HS6ST3: variants seen among roughly 807,000 people sequenced by gnomAD.
The protein encoded by HS6ST3 is heparan sulfate 6-O-sulfotransferase 3.
Under a neutral mutation model 36.7 loss-of-function variants are expected in HS6ST3, and 12 were observed. That is an observed-to-expected ratio of 0.33 (90% CI 0.21 to 0.53). HS6ST3 has a LOEUF of 0.53. HS6ST3 is among the 20% of genes least tolerant of loss of function. The probability of loss-of-function intolerance (pLI) is 0.95; values close to 1 mark genes in which losing one functional copy is unlikely to be tolerated. For synonymous variants in HS6ST3, 240 were observed against 257.5 expected, an observed-to-expected ratio of 0.93 and a Z score of 0.65; for missense variants, 584 against 640.9, an observed-to-expected ratio of 0.91 and a Z score of 0.96.
intron 1 of HS6ST3, among the ~76,000 whole-genome samples, chr13:96,610,518 G>A (rs991904283): frequency 3.3e-5 from 5 of 152,064 alleles, no homozygotes; most frequent in African/African-American, 9.7e-5. Flanking sequence ...TGAATTAGTC[G>A]CTAACTTTTA....
chr13:96,818,376 G>C (rs1481677403), intron 1 of HS6ST3, among the ~76,000 whole-genome samples: 1 of 152,202 alleles, frequency 6.6e-6, no homozygotes, highest in Non-Finnish European at 1.5e-5. Context: ...AGTGGATTTT[G>C]AAGAGAACCT....
chr13:96,424,986 C>A (rs138769824), intron 1 of HS6ST3, among the ~76,000 whole-genome samples: 46 of 152,076 alleles, frequency 3.0e-4, no homozygotes, highest in Non-Finnish European at 6.3e-4. Flanking sequence ...AATATTGTAG[C>A]AGATTTTTGG....
At chr13:96,475,461 C>T (rs1293015223) in intron 1 of HS6ST3, among the ~76,000 whole-genome samples, 1 of 152,004 alleles carries the variant, frequency 6.6e-6, no homozygotes, top group African/African-American at 2.4e-5. Flanking sequence ...ATGTGTCCTT[C>T]AAGCTAGTTT....
At chr13:96,269,268 T>C (rs530633335) in intron 1 of HS6ST3, among the ~76,000 whole-genome samples, 193 of 152,108 alleles carry the variant, frequency 1.3e-3, no homozygotes, top group Non-Finnish European at 2.5e-3. Context: ...ATACATAAAA[T>C]GTATATTTAA....
intron 1 of HS6ST3, among the ~76,000 whole-genome samples, chr13:96,318,526 CCTT>C (rs1193555515): frequency 4.3e-5 from 6 of 138,920 alleles, no homozygotes; most frequent in Non-Finnish European, 7.7e-5. Context: ...GAGTGAGACT[CCTT>C]CTCAAAAAAA....
In HS6ST3 at chr13:96,377,052, A is replaced by G. The variant is rs976811691; in HGVS notation, c.707+285483A>G. 3.6e-4 allele frequency among the ~76,000 whole-genome samples: 53 copies of G among 147,748 alleles called. 1 individual carries two copies. The highest frequency in any genetic ancestry group is 1.2e-4 in the Non-Finnish European group (8 of 67,172). On this transcript the variant is annotated intron_variant, in intron 1 of 1. Coordinates refer to ENST00000376705, the MANE Select transcript of HS6ST3 (RefSeq NM_153456.4). The stretch of plus-strand genomic sequence containing the variant: ...GTTTTTATGGATTTATCAATATATT[A>G]TAATATATATTTTATATATATATAT...
At chr13:96,466,990 A>G (rs948366302) in intron 1 of HS6ST3, among the ~76,000 whole-genome samples, 2 of 152,190 alleles carry the variant, frequency 1.3e-5, no homozygotes, top group African/African-American at 4.8e-5. Context: ...ATACAGTGTT[A>G]CTGAAGCCAA....
At chr13:96,180,481 T>G (rs1015011968) in intron 1 of HS6ST3, among the ~76,000 whole-genome samples, 2 of 152,160 alleles carry the variant, frequency 1.3e-5, no homozygotes, top group African/African-American at 2.4e-5. Context: ...ACTTTAGAGA[T>G]TTTTGCTAGA....
intron 1 of HS6ST3, among the ~76,000 whole-genome samples, chr13:96,499,522 G>T (rs1442984958): frequency 6.6e-6 from 1 of 152,158 alleles, no homozygotes; most frequent in African/African-American, 2.4e-5. Context: ...GAAAGATAAT[G>T]TGGGGCTAGG....
At chr13:96,308,745 C>A (rs563989542) in intron 1 of HS6ST3, among the ~76,000 whole-genome samples, 1 of 152,164 alleles carries the variant, frequency 6.6e-6, no homozygotes, top group South Asian at 2.1e-4. Context: ...TTAGCTTGTT[C>A]TTTTCAAGCT....
chr13:96,536,376 A>G (rs965646127), intron 1 of HS6ST3, among the ~76,000 whole-genome samples: 4 of 152,222 alleles, frequency 2.6e-5, no homozygotes, highest in African/African-American at 9.6e-5. Context: ...CTCTGGCTGC[A>G]TTTACAAATA....
intron 1 of HS6ST3, among the ~76,000 whole-genome samples, chr13:96,435,566 A>G (rs2055637340): frequency 6.6e-6 from 1 of 152,186 alleles, no homozygotes; most frequent in Admixed American, 6.5e-5. Flanking sequence ...CATTATCTGT[A>G]TCCCAACTAA....
rs578114978 is a variant in HS6ST3, at chr13:96,793,097, G to A, written c.708-39393G>A. Among the ~76,000 whole-genome samples, 12 of 152,090 alleles carry A rather than the reference G, an allele frequency of 7.9e-5. No individual in the cohort carries two copies. In the East Asian group the frequency reaches 1.2e-3, roughly 15 times the overall value. ...TGAGGAGTGAGTGACCTTGCGTCTC[G>A]CCAGCATACCCTCATAGCCCTTGAC... On this transcript the variant is annotated intron_variant, in intron 1 of 1. Transcript: ENST00000376705.
intron 1 of HS6ST3, among the ~76,000 whole-genome samples, chr13:96,336,619 T>A (rs1268025416): frequency 6.6e-6 from 1 of 152,150 alleles, no homozygotes; most frequent in Non-Finnish European, 1.5e-5. Flanking sequence ...GAGAAAAGGC[T>A]TGGAATGAAA....
intron 1 of HS6ST3, among the ~76,000 whole-genome samples, chr13:96,338,967 G>A (rs1369687482): frequency 2.0e-5 from 3 of 152,094 alleles, no homozygotes; most frequent in Non-Finnish European, 2.9e-5. Context: ...AAAAATTGGT[G>A]ATCATGATTT....
rs141742094 is a variant in HS6ST3, at chr13:96,419,571, C to T, written c.707+328002C>T. Among the ~76,000 whole-genome samples, 568 of 152,268 alleles carry T rather than the reference C, an allele frequency of 3.7e-3. 3 individuals are homozygous for T. The highest frequency in any genetic ancestry group is 0.013 in the African/African-American group (541 of 41,552). The stretch of plus-strand genomic sequence containing the variant: ...AGTATATTTGTTTTGTTTTCAAGGG[C>T]TGCCATAACAAAGTACCACAAACTG... On this transcript the variant is annotated intron_variant, in intron 1 of 1. Coordinates refer to ENST00000376705, the MANE Select transcript of HS6ST3 (RefSeq NM_153456.4).
chr13:96,656,988 TGTGTGTGTGTGA>T (rs1198774149), intron 1 of HS6ST3, among the ~76,000 whole-genome samples: 7 of 138,598 alleles, frequency 5.1e-5, no homozygotes, highest in African/African-American at 8.0e-5. Context: ...TGTGTGTGTG[TGTGTGTGTGTGA>T]GAGAGAGAGA....
chr13:96,177,701 TG>T (rs2054219022), intron 1 of HS6ST3, among the ~76,000 whole-genome samples: 1 of 151,978 alleles, frequency 6.6e-6, no homozygotes. Context: ...GCTTAATACC[TG>T]GGTGATGGAA....
chr13:96,345,064 C>T (rs922461833), intron 1 of HS6ST3, among the ~76,000 whole-genome samples: 10 of 152,128 alleles, frequency 6.6e-5, no homozygotes, highest in Non-Finnish European at 1.5e-5. Flanking sequence ...AATCTTGGCC[C>T]ACAGCACTGA....
Sources: gnomAD v4.1 joint callset for allele counts (sites outside exome capture counted in the v4.1 genomes callset) on GRCh38, gnomAD v4.1.1 for gene constraint, MANE v1.5 for transcripts, NCBI Gene and HGNC (gene_info 2026-07-23, HGNC 2026-07-21) for gene names.